Variants in NCKAP5 observed in about 807,000 individuals in gnomAD.
The protein encoded by NCKAP5 is nck-associated protein 5.
Under a neutral mutation model 167.0 loss-of-function variants are expected in NCKAP5, and 92 were observed. The observed-to-expected ratio is 0.55, with a 90% CI of 0.47 to 0.66. The LOEUF is 0.66. Among genes scored for constraint, NCKAP5 ranks in the 30% least tolerant of loss-of-function variants. The pLI is 0.00. For missense variants in NCKAP5, 2,378 were observed against 2,315.0 expected (o/e 1.03, Z -0.56); for synonymous variants, 891 against 877.4 (o/e 1.02, Z -0.27).
intron 4 of NCKAP5, among the ~76,000 whole-genome samples, chr2:133,291,584 C>G (rs188151724): frequency 6.6e-6 from 1 of 152,136 alleles, no homozygotes; most frequent in Non-Finnish European, 1.5e-5. Context: ...ACCTGGTGAA[C>G]GTCTAGAATA....
rs139728123 is a variant in NCKAP5 at position 133,477,118 on chromosome 2, A to G, written c.69+40340T>C. ...TTATGGAGAAACTTAAGGTTGGATT[A>G]AACTATCCTAGTCAGCAATTAAACA... is the stretch of plus-strand genomic sequence containing the variant. On this transcript the variant is annotated intron_variant, in intron 3 of 19. Coordinates refer to ENST00000409261, the MANE Select transcript of NCKAP5 (RefSeq NM_207363.3). Among the ~76,000 whole-genome samples the G allele has an allele frequency of 1.0e-3, 157 of 152,332 alleles. 2 individuals are homozygous for G. The East Asian group carries it at 0.028, about 27-fold the overall frequency.
intron 7 of NCKAP5, among the ~76,000 whole-genome samples, chr2:132,973,900 A>G (rs1303474420): frequency 2.0e-5 from 3 of 152,198 alleles, no homozygotes; most frequent in African/African-American, 7.2e-5. Context: ...TTCTAATGGC[A>G]TTTGCTTATG....
At chr2:133,455,789 C>A (rs1192728122) in intron 3 of NCKAP5, among the ~76,000 whole-genome samples, 1 of 152,050 alleles carries the variant, frequency 6.6e-6, no homozygotes, top group East Asian at 1.9e-4. Context: ...AACTTAAACC[C>A]CCTTTTTATG....
intron 3 of NCKAP5, among the ~76,000 whole-genome samples, chr2:133,317,540 A>G (rs561125493): frequency 1.3e-5 from 2 of 152,086 alleles, no homozygotes; most frequent in African/African-American, 4.8e-5. Context: ...GGCTGAATTC[A>G]TGGGCACCTC....
intron 6 of NCKAP5, among the ~76,000 whole-genome samples, chr2:133,106,119 C>T (rs1043021801): frequency 6.7e-6 from 1 of 149,150 alleles, no homozygotes; most frequent in Non-Finnish European, 1.5e-5. Flanking sequence ...TGGTGAAACC[C>T]CATCTCTACT....
At chr2:133,160,064 G>A (rs1376490073) in intron 5 of NCKAP5, among the ~76,000 whole-genome samples, 1 of 152,192 alleles carries the variant, frequency 6.6e-6, no homozygotes, top group Non-Finnish European at 1.5e-5. Context: ...CAAAGATTCA[G>A]CAGCTGTATT....
chr2:133,470,636 C>G (rs1679154846), intron 3 of NCKAP5, among the ~76,000 whole-genome samples: 1 of 152,228 alleles, frequency 6.6e-6, no homozygotes, highest in African/African-American at 2.4e-5. Flanking sequence ...AGTTTGATCT[C>G]AGACTGCTGT....
At position 132,911,015 on chromosome 2, in the gene NCKAP5, C is replaced by T. The variant is rs142597767; in HGVS notation, c.580-32099G>A. The T allele has an allele frequency of 4.5e-3, 803 of 180,010 alleles. 12 individuals are homozygous for T. The highest frequency in any genetic ancestry group is 0.014 in the African/African-American group (586 of 42,446). The allele number at this position is 180,010 out of a possible 1,614,324, so 11.2% of individuals were successfully genotyped here. On this transcript the variant is annotated intron_variant, in intron 8 of 19. Transcript: ENST00000409261. ...GGGCCTGGCTGGAATACTGATATTC[C>T]GTGCCATGTTGTCTTCTGACCGACA... is the stretch of plus-strand genomic sequence containing the variant.
chr2:133,475,918 A>C (rs1559512980), intron 3 of NCKAP5, among the ~76,000 whole-genome samples: 1 of 152,222 alleles, frequency 6.6e-6, no homozygotes, highest in East Asian at 1.9e-4. Flanking sequence ...CAACCCAAGA[A>C]TCAGCTGTCT....
chr2:133,553,189 T>C (rs1001436482), intron 2 of NCKAP5, among the ~76,000 whole-genome samples: 1 of 152,208 alleles, frequency 6.6e-6, no homozygotes, highest in African/African-American at 2.4e-5. Context: ...TACAGGAATA[T>C]ACAGTATGCT....
intron 3 of NCKAP5, among the ~76,000 whole-genome samples, chr2:133,387,478 AT>A (rs1392209271): frequency 6.6e-6 from 1 of 151,950 alleles, no homozygotes; most frequent in African/African-American, 2.4e-5. Context: ...TGCCCTTAAC[AT>A]TTTTTCCTTC....
rs34264277 is a variant in NCKAP5, at chr2:133,181,603, C to CAAAAAAAAAAAAAA, written c.207+32099_207+32112dup. Among the ~76,000 whole-genome samples the CAAAAAAAAAAAAAA allele has an allele frequency of 1.2e-3, 82 of 71,148 alleles. 3 individuals are homozygous for CAAAAAAAAAAAAAA. The highest frequency in any genetic ancestry group is 3.0e-3 in the African/African-American group (52 of 17,354). The allele number at this position is 71,148 out of a possible 152,430, so 46.7% of individuals were successfully genotyped here. ...GCAACATGGTAAATCCCCATCTCTA[C>CAAAAAAAAAAAAAA]AAAAAAAAAAAAAAAAAAAAAAAAA... On this transcript the variant is annotated intron_variant, in intron 5 of 19. Transcript: ENST00000409261.
At chr2:132,920,733 GTATATATATGTGTA>G (rs1558942916) in intron 8 of NCKAP5, among the ~76,000 whole-genome samples, 4 of 53,764 alleles carry the variant, frequency 7.4e-5, no homozygotes, top group Non-Finnish European at 1.4e-4. Flanking sequence ...ATATATATAT[GTATATATATGTGTA>G]TATATATATG....
intron 6 of NCKAP5, among the ~76,000 whole-genome samples, chr2:133,021,303 G>A (rs1310522075): frequency 6.6e-6 from 1 of 152,156 alleles, no homozygotes; most frequent in Non-Finnish European, 1.5e-5. Context: ...ATCAGTAGGA[G>A]GAAATTGGAT....
At chr2:133,090,654 T>C (rs2081146710) in intron 6 of NCKAP5, among the ~76,000 whole-genome samples, 1 of 152,166 alleles carries the variant, frequency 6.6e-6, no homozygotes, top group Admixed American at 6.5e-5. Context: ...TAATTGGTTA[T>C]AGCAACCAAA....
At chr2:132,983,005 G>A (rs2077186326) in intron 7 of NCKAP5, among the ~76,000 whole-genome samples, 1 of 152,100 alleles carries the variant, frequency 6.6e-6, no homozygotes, top group Admixed American at 6.6e-5. Context: ...GCAGTGTTTT[G>A]TAGTTTTCTT....
At chr2:133,374,486 AC>A (rs1686008506) in intron 3 of NCKAP5, among the ~76,000 whole-genome samples, 1 of 152,166 alleles carries the variant, frequency 6.6e-6, no homozygotes, top group South Asian at 2.1e-4. Context: ...ACCTTGGGCG[AC>A]CATGATGTGT....
At chr2:133,276,144 C>T (rs1218811274) in intron 4 of NCKAP5, among the ~76,000 whole-genome samples, 1 of 151,948 alleles carries the variant, frequency 6.6e-6, no homozygotes, top group Admixed American at 6.6e-5. Flanking sequence ...TTTTCTCTTC[C>T]TTATGATTTT....
intron 6 of NCKAP5, among the ~76,000 whole-genome samples, chr2:133,002,748 G>A (rs1253608869): frequency 6.6e-6 from 1 of 152,154 alleles, no homozygotes; most frequent in Non-Finnish European, 1.5e-5. Context: ...ACTCCTCCTT[G>A]TTGTTTATGC....
Sources: allele counts gnomAD v4.1 joint callset (sites outside exome capture counted in the v4.1 genomes callset), GRCh38; gene constraint gnomAD v4.1.1; transcripts MANE v1.5; gene names NCBI Gene and HGNC (gene_info 2026-07-23, HGNC 2026-07-21).